RND2: variants seen among roughly 807,000 people sequenced by gnomAD.
RND2 encodes the protein Rho family GTPase 2, also known as rho-related GTP-binding protein RhoN.
Under a neutral mutation model 25.9 loss-of-function variants are expected in RND2, and 16 were observed. The observed-to-expected ratio is 0.62, with a 90% CI of 0.42 to 0.94. The LOEUF is 0.94. RND2 is among the 40% of genes least tolerant of loss of function. RND2 has a pLI of 0.00. For synonymous variants in RND2, 97 were observed against 118.1 expected, an observed-to-expected ratio of 0.82 and a Z score of 1.16; for missense variants, 276 against 305.5, an observed-to-expected ratio of 0.90 and a Z score of 0.72.
Position 43,025,447 on chromosome 17 carries a change from G to C in RND2, c.100G>C (p.Gly34Arg), listed in dbSNP as rs766197952. The change falls in exon 1 of 5, where the codon GGG becomes CGG. Residue 34 changes from glycine to arginine, a missense_variant and splice_region_variant. Coordinates refer to ENST00000587250, the MANE Select transcript of RND2 (RefSeq NM_005440.5). Reference sequence around the variant, plus strand: ...GGTGTTCGCCAAGGACGCCTATCCCGGGGTGAGGGACCTGCGTCTTGGGAG... The same window carrying C: ...GGTGTTCGCCAAGGACGCCTATCCCCGGGTGAGGGACCTGCGTCTTGGGAG... ...LQVFAKDAYP[G>R]SYVPTVFENY... 1.3e-6 allele frequency: 2 copies of C among 1,548,696 alleles called. No homozygotes were observed. Among genetic ancestry groups the C allele is most frequent in the Non-Finnish European group, 1.7e-6 (2 of 1,146,050 alleles).
chr17:43,026,978 A>G (rs62076407), intron 2 of RND2, among the ~76,000 whole-genome samples: 2,818 of 152,342 alleles, frequency 0.018, 44 homozygotes, highest in Non-Finnish European at 0.028. Context: ...GGAAGCAGAG[A>G]GCCGTTTCCC....
intron 4 of RND2, 42 bp downstream of exon 4, chr17:43,028,237 T>G (rs2050640313): frequency 6.2e-7 from 1 of 1,611,842 alleles, no homozygotes; most frequent in Admixed American, 1.7e-5. Context: ...CCTAGACCTG[T>G]CACCTCTGCC....
chr17:43,027,373 G>A, intron 3 of RND2, 81 bp downstream of exon 3: 2 of 925,998 alleles, frequency 2.2e-6, no homozygotes, highest in Non-Finnish European at 3.3e-6. Flanking sequence ...GCCAGGAGGA[G>A]GGAGTGATGG....
chr17:43,027,613 A>G (rs980628057), intron 3 of RND2, among the ~76,000 whole-genome samples: 1 of 152,016 alleles, frequency 6.6e-6, no homozygotes, highest in African/African-American at 2.4e-5. Flanking sequence ...GGGAAGCCTG[A>G]TCCTGGAGCT....
Position 43,029,050 on chromosome 17 carries a change from T to G in RND2, c.*370T>G. On this transcript the variant is annotated 3_prime_UTR_variant, in exon 5 of 5. Coordinates refer to ENST00000587250, the MANE Select transcript of RND2 (RefSeq NM_005440.5). ...GGTTCTGGCCCAAGGAAAATGTCCATTCTATGACCTTCTCTTTTCCTCTCC... is the reference window on the plus strand; with the variant it reads ...GGTTCTGGCCCAAGGAAAATGTCCAGTCTATGACCTTCTCTTTTCCTCTCC... 4.0e-6 allele frequency: 1 copy of G among 250,790 alleles called. No individual in the cohort carries two copies. Among genetic ancestry groups the G allele is most frequent in the Non-Finnish European group, 7.9e-6 (1 of 127,150 alleles). 15.5% of individuals were successfully genotyped at this position (250,790 alleles called of 1,614,324 possible).
At chr17:43,025,523 T>G (rs1597787686) in intron 1 of RND2, 74 bp downstream of exon 1, 32 of 1,457,694 alleles carry the variant, frequency 2.2e-5, no homozygotes, top group Middle Eastern at 3.7e-4. Flanking sequence ...TGGCGACGGA[T>G]GGGAATGGGT....
At position 43,030,057 on chromosome 17, in the gene RND2, TGA is replaced by T; in HGVS notation, c.*1379_*1380del. ...CAGGGACCTTTCTCTCCTCCCATGC[TGA>T]GTTTCATGATGGCTTTCAGGGGAGC... is the stretch of plus-strand genomic sequence containing the variant. On this transcript the variant is annotated 3_prime_UTR_variant, in exon 5 of 5. Coordinates refer to ENST00000587250, the MANE Select transcript of RND2 (RefSeq NM_005440.5). 6.6e-6 allele frequency: 1 copy of T among 152,430 alleles called. No homozygotes were observed. The highest frequency in any genetic ancestry group is 6.5e-5 in the Admixed American group (1 of 15,300). The allele number at this position is 152,430 out of a possible 1,614,324, so 9.4% of individuals were successfully genotyped here. A position where few individuals can be genotyped will look rare whatever the true frequency, so the allele number is the denominator to read the frequency against.
rs2151973661 is a variant in RND2 at position 43,025,310 on chromosome 17, A to G, written c.-38A>G. 6.8e-7 allele frequency: 1 copy of G among 1,463,210 alleles called. No individual in the cohort carries two copies. The highest frequency in any genetic ancestry group is 9.1e-7 in the Non-Finnish European group (1 of 1,102,296). The allele number at this position is 1,463,210 out of a possible 1,614,324, so 90.6% of individuals were successfully genotyped here. On this transcript the variant is annotated 5_prime_UTR_variant, in exon 1 of 5. Coordinates refer to ENST00000587250, the MANE Select transcript of RND2 (RefSeq NM_005440.5). The stretch of plus-strand genomic sequence containing the variant: ...GGGGGAGGCGGCGGCGGGGCCCGGG[A>G]GAGGGGTGGCGTGGGGGACCGGCGC...
In RND2 at chr17:43,029,550, C is replaced by A. The variant is rs2050654752; in HGVS notation, c.*870C>A. On this transcript the variant is annotated 3_prime_UTR_variant, in exon 5 of 5. Transcript: ENST00000587250. ...GCTAGTGTGGGAGGGGTCCTGCTCA[C>A]CATCTGTACCCCTGGCTTGGAGCCT... 1 of 152,310 alleles carries A rather than the reference C, an allele frequency of 6.6e-6. No individual in the cohort carries two copies. The highest frequency in any genetic ancestry group is 6.5e-5 in the Admixed American group (1 of 15,272). 9.4% of individuals were successfully genotyped at this position (152,310 alleles called of 1,614,324 possible).
rs375763875 is a variant in RND2, at chr17:43,028,086, G to T, written c.326G>T (p.Cys109Phe). ...TGGCAAGGAGAGACTCAAGAGTTCT[G>T]CCCCAATGCCAAGGTTGTGCTGGTT... ...KKWQGETQEF[C>F]PNAKVVLVGC... is the part of the protein sequence containing the mutation. The change falls in exon 4 of 5, where the codon TGC (cysteine) becomes TTC (phenylalanine). Residue 109 changes from cysteine (C) to phenylalanine (F), a missense_variant. Physicochemically the swap from Cys to Phe is radical, Grantham distance 205 (BLOSUM62 -2). Transcript: ENST00000587250. 6.2e-7 allele frequency: 1 copy of T among 1,613,870 alleles called. No individual in the cohort carries two copies. The highest frequency in any genetic ancestry group is 1.3e-5 in the African/African-American group (1 of 74,872).
intron 2 of RND2, among the ~76,000 whole-genome samples, chr17:43,026,511 C>T (rs968739526): frequency 6.6e-6 from 1 of 152,012 alleles, no homozygotes; most frequent in African/African-American, 2.4e-5. Context: ...ATTAATCGGG[C>T]GTGTGGCACG....
In RND2 at chr17:43,027,189, C is replaced by CG; in HGVS notation, c.197_198insG (p.Tyr67LeufsTer3). On this transcript the variant is annotated frameshift_variant, in exon 3 of 5. Coordinates refer to ENST00000587250, the MANE Select transcript of RND2 (RefSeq NM_005440.5). LOFTEE classifies it high-confidence loss of function. ...ATGCCCTGTCTTCCTTCAGGTTCCT[C>CG]TTACTATGATAATGTCCGGCCTCTG... 6.2e-7 allele frequency: 1 copy of CG among 1,603,026 alleles called. No homozygotes were observed. Among genetic ancestry groups the CG allele is most frequent in the Non-Finnish European group, 8.5e-7 (1 of 1,174,144 alleles).
In RND2 at chr17:43,026,033, T is replaced by A; in HGVS notation, c.176T>A (p.Met59Lys). 1 of 1,609,802 alleles carries A rather than the reference T, an allele frequency of 6.2e-7. No individual in the cohort carries two copies. The highest frequency in any genetic ancestry group is 8.5e-7 in the Non-Finnish European group (1 of 1,176,520). ...EIDKRRIELN[M>K]WDTSGSSYYD... The stretch of plus-strand genomic sequence containing the variant: ...GACAAGCGCCGCATTGAGCTCAACA[T>A]GTGGGACACTTCAGGTAGCCAAGTC... Residue 59 changes from methionine to lysine, a missense_variant, in exon 2 of 5, where the codon ATG (methionine) becomes AAG (lysine). Met to Lys is a moderately conservative substitution (Grantham distance 95, BLOSUM62 -1). Transcript: ENST00000587250.
At chr17:43,027,352 A>C (rs891915357) in intron 3 of RND2, 60 bp downstream of exon 3, 1 of 1,165,494 alleles carries the variant, frequency 8.6e-7, no homozygotes, top group African/African-American at 1.5e-5. Flanking sequence ...CATGGTCCTG[A>C]CATAACATGG....
rs2050609865 is a variant in RND2, at chr17:43,025,265, G to C, written c.-83G>C. On this transcript the variant is annotated 5_prime_UTR_variant, in exon 1 of 5. Coordinates refer to ENST00000587250, the MANE Select transcript of RND2 (RefSeq NM_005440.5). ...CGAGATGCCGGTGTTGGCGGCCCGA[G>C]CGGCTGCAGTTGCAGGGGCGGGGGA... 1 of 1,234,358 alleles carries C rather than the reference G, an allele frequency of 8.1e-7. No homozygotes were observed. Among genetic ancestry groups the C allele is most frequent in the Non-Finnish European group, 1.1e-6 (1 of 952,198 alleles). The allele number at this position is 1,234,358 out of a possible 1,614,324, so 76.5% of individuals were successfully genotyped here. A position where few individuals can be genotyped will look rare whatever the true frequency, so the allele number is the denominator to read the frequency against.
At position 43,031,296 on chromosome 17, in the gene RND2, A is replaced by T. The variant is rs1319333942; in HGVS notation, c.*2616A>T. 1 of 152,150 alleles carries T rather than the reference A, an allele frequency of 6.6e-6. No homozygotes were observed. Among genetic ancestry groups the T allele is most frequent in the Admixed American group, 6.5e-5 (1 of 15,270 alleles). The allele number at this position is 152,150 out of a possible 1,614,324, so 9.4% of individuals were successfully genotyped here. ...AGCCAGTCTCAAAGATTCTAGGATA[A>T]CTTCAATGGCATTTGAAATTATCTA... On this transcript the variant is annotated 3_prime_UTR_variant, in exon 5 of 5. Transcript: ENST00000587250.
At chr17:43,027,943 G>A in intron 3 of RND2, 118 bp from the exon 4 acceptor site, 1 of 1,223,962 alleles carries the variant, frequency 8.2e-7, no homozygotes. Flanking sequence ...GGAGAGTCCT[G>A]AGGGATACAT....
rs758102923 is a variant in RND2 at position 43,025,332 on chromosome 17, G to A, written c.-16G>A. 17 of 1,528,192 alleles carry A rather than the reference G, an allele frequency of 1.1e-5. No homozygotes were observed. The highest frequency in any genetic ancestry group is 1.4e-5 in the Non-Finnish European group (16 of 1,137,838). The allele number at this position is 1,528,192 out of a possible 1,614,324, so 94.7% of individuals were successfully genotyped here. On this transcript the variant is annotated 5_prime_UTR_variant, in exon 1 of 5. Transcript: ENST00000587250. ...GGGAGAGGGGTGGCGTGGGGGACCG[G>A]CGCGTAGCCGGGACCATGGAGGGGC... is the stretch of plus-strand genomic sequence containing the variant.
At chr17:43,026,807 G>A (rs1370968804) in intron 2 of RND2, among the ~76,000 whole-genome samples, 4 of 152,186 alleles carry the variant, frequency 2.6e-5, no homozygotes, top group Non-Finnish European at 5.9e-5. Context: ...CCAACATAAG[G>A]AGGGTTTTTA....
Sources: allele counts gnomAD v4.1 joint callset (sites outside exome capture counted in the v4.1 genomes callset), GRCh38; gene constraint gnomAD v4.1.1; transcripts MANE v1.5; gene names NCBI Gene and HGNC (gene_info 2026-07-23, HGNC 2026-07-21).